The following ASTN2 variants were observed in gnomAD, a reference collection of about 807,000 sequenced individuals.
ASTN2 encodes the protein astrotactin 2, also known as astrotactin-2.
Under a neutral mutation model 139.8 loss-of-function variants are expected in ASTN2, and 54 were observed. The observed-to-expected ratio is 0.39, with a 90% CI of 0.31 to 0.48. The LOEUF is 0.48. Among genes scored for constraint, ASTN2 ranks in the 20% least tolerant of loss-of-function variants. The pLI, the probability that ASTN2 is intolerant of heterozygous loss-of-function variation, is 0.95. For missense variants in ASTN2, 1,565 were observed against 1,725.1 expected (o/e 0.91, Z 1.64); for synonymous variants, 756 against 719.5 (o/e 1.05, Z -0.81).
chr9:116,531,620 G>T (rs1337878581), intron 19 of ASTN2, among the ~76,000 whole-genome samples: 2 of 151,048 alleles, frequency 1.3e-5, no homozygotes, highest in African/African-American at 2.4e-5. Flanking sequence ...GTGGTGGTTG[G>T]TTTTTTGTCC....
At chr9:117,175,393 T>C (rs1002619170) in intron 3 of ASTN2, among the ~76,000 whole-genome samples, 4 of 152,152 alleles carry the variant, frequency 2.6e-5, no homozygotes, top group Admixed American at 6.5e-5. Context: ...AAATTGAATG[T>C]AATCCCAATC....
chr9:117,156,925 C>G (rs1279524430), intron 3 of ASTN2, among the ~76,000 whole-genome samples: 1 of 152,006 alleles, frequency 6.6e-6, no homozygotes, highest in Non-Finnish European at 1.5e-5. Flanking sequence ...CTTGCCTCAA[C>G]ATGTATGAGG....
chr9:116,430,315 G>A (rs945635163), intron 22 of ASTN2, among the ~76,000 whole-genome samples: 1 of 152,190 alleles, frequency 6.6e-6, no homozygotes, highest in Non-Finnish European at 1.5e-5. Flanking sequence ...CAAAGGCAAA[G>A]CTAGAACCAG....
chr9:117,091,363 A>T (rs552372594), intron 5 of ASTN2, among the ~76,000 whole-genome samples: 11 of 152,210 alleles, frequency 7.2e-5, no homozygotes, highest in African/African-American at 2.7e-4. Context: ...GACACAAATG[A>T]CAATGTGTCT....
At chr9:116,768,595 G>C (rs10759857) in intron 13 of ASTN2, among the ~76,000 whole-genome samples, 94,407 of 152,022 alleles carry the variant, frequency 0.62, 32,545 homozygotes, top group Non-Finnish European at 0.79. Context: ...AATTCTAATG[G>C]CCAAGATCAT....
intron 1 of ASTN2, among the ~76,000 whole-genome samples, chr9:117,357,882 C>A (rs573662682): frequency 1.4e-4 from 22 of 152,140 alleles, no homozygotes; most frequent in African/African-American, 5.1e-4. Context: ...GAACAGAGTA[C>A]CTGAATGGTG....
intron 22 of ASTN2, among the ~76,000 whole-genome samples, chr9:116,429,950 T>C (rs973971222): frequency 6.6e-6 from 1 of 152,112 alleles, no homozygotes; most frequent in African/African-American, 2.4e-5. Context: ...GCAGAGGAAA[T>C]AGCCCATCCC....
chr9:117,367,170 C>T (rs1378337159), intron 1 of ASTN2, among the ~76,000 whole-genome samples: 3 of 152,164 alleles, frequency 2.0e-5, no homozygotes, highest in Non-Finnish European at 2.9e-5. Flanking sequence ...ATTTTGTGTG[C>T]TGTTTTGTGG....
intron 10 of ASTN2, among the ~76,000 whole-genome samples, chr9:116,914,907 A>T (rs1834401917): frequency 6.6e-6 from 1 of 152,176 alleles, no homozygotes; most frequent in South Asian, 2.1e-4. Context: ...GCTCAAAGTC[A>T]TAAAACCAGT....
intron 10 of ASTN2, among the ~76,000 whole-genome samples, chr9:116,890,689 G>T (rs542673457): frequency 2.6e-5 from 4 of 152,116 alleles, no homozygotes; most frequent in Non-Finnish European, 4.4e-5. Flanking sequence ...TGCTGATAAG[G>T]TCGACAAGGT....
intron 19 of ASTN2, among the ~76,000 whole-genome samples, chr9:116,529,989 C>T (rs543441815): frequency 2.0e-5 from 3 of 150,448 alleles, no homozygotes; most frequent in African/African-American, 4.9e-5. Context: ...GAAATCAGTA[C>T]GTCAAGGGGA....
intron 1 of ASTN2, among the ~76,000 whole-genome samples, chr9:117,330,558 G>A (rs1313757845): frequency 6.6e-6 from 1 of 152,136 alleles, no homozygotes; most frequent in Non-Finnish European, 1.5e-5. Context: ...CCATTGGTGT[G>A]AGACCCTGCC....
At chr9:116,701,217 T>G (rs1861157035) in intron 16 of ASTN2, 1 of 167,096 alleles carries the variant, frequency 6.0e-6, no homozygotes, top group South Asian at 2.1e-4. Context: ...AAAATTGTTT[T>G]TATGGTAGTA....
intron 6 of ASTN2, among the ~76,000 whole-genome samples, chr9:117,016,624 C>CTATATA (rs1175306157): frequency 1.3e-3 from 26 of 20,000 alleles, no homozygotes; most frequent in African/African-American, 5.6e-3. Context: ...ATCTATCTAT[C>CTATATA]TATATATATA....
At chr9:117,190,853 T>C (rs965210512) in intron 3 of ASTN2, among the ~76,000 whole-genome samples, 2 of 152,038 alleles carry the variant, frequency 1.3e-5, no homozygotes, top group African/African-American at 4.8e-5. Context: ...ATATCTAATA[T>C]ATACATATAT....
Position 116,661,747 on chromosome 9 carries a change from C to A in ASTN2, c.2807-9954G>T, listed in dbSNP as rs1858573475. ...AAAACTAGGCATGCAACCAGGCCCT[C>A]TTTGTATAGTTACACAAGTTGAGCT... On this transcript the variant is annotated intron_variant, in intron 16 of 22. Transcript: ENST00000313400. 2.6e-5 allele frequency among the ~76,000 whole-genome samples: 4 copies of A among 152,114 alleles called. No homozygotes were observed. The South Asian group carries it at 6.2e-4, about 24-fold the overall frequency.
At chr9:117,013,482 ATATATT>A (rs906848989) in intron 6 of ASTN2, among the ~76,000 whole-genome samples, 5 of 39,542 alleles carry the variant, frequency 1.3e-4, no homozygotes, top group South Asian at 2.0e-3. Context: ...ATATATATAT[ATATATT>A]TTTTTTTTTC....
At chr9:116,550,305 C>T (rs956148098) in intron 19 of ASTN2, among the ~76,000 whole-genome samples, 3 of 152,188 alleles carry the variant, frequency 2.0e-5, no homozygotes, top group South Asian at 2.1e-4. Context: ...CTTCAAAGCA[C>T]AGTATCTTCA....
chr9:116,445,956 C>T (rs1482748406), intron 20 of ASTN2, among the ~76,000 whole-genome samples: 2 of 152,130 alleles, frequency 1.3e-5, no homozygotes, highest in Non-Finnish European at 2.9e-5. Context: ...GGTCAAAAGT[C>T]ACAAGGCCAT....
Sources: allele counts gnomAD v4.1 joint callset (sites outside exome capture counted in the v4.1 genomes callset), GRCh38; gene constraint gnomAD v4.1.1; transcripts MANE v1.5; gene names NCBI Gene and HGNC (gene_info 2026-07-23, HGNC 2026-07-21).